RBFOX1: variants seen among roughly 807,000 people sequenced by gnomAD.
RBFOX1 encodes RNA binding fox-1 homolog 1.
RBFOX1 carries 8 observed loss-of-function variants against 57.7 expected under a neutral mutation model. The observed-to-expected ratio is 0.14, with a 90% CI of 0.08 to 0.25. RBFOX1 has a LOEUF of 0.25. Ranked by LOEUF, RBFOX1 falls within the 10% of genes least tolerant of loss-of-function variation. RBFOX1 has a pLI of 1.00. For synonymous variants in RBFOX1, 326 were observed against 222.4 expected (o/e 1.47, Z -4.15); for missense variants, 611 against 548.5 (o/e 1.11, Z -1.14).
At chr16:6,201,222 G>A (rs2097213100) in intron 1 of RBFOX1, among the ~76,000 whole-genome samples, 1 of 152,146 alleles carries the variant, frequency 6.6e-6, no homozygotes, top group Non-Finnish European at 1.5e-5. Context: ...GGACATGAAG[G>A]TGGCTTCCAT....
chr16:5,486,445 G>A (rs1344744848), intron 2 of RBFOX1, among the ~76,000 whole-genome samples: 1 of 152,218 alleles, frequency 6.6e-6, no homozygotes, highest in Non-Finnish European at 1.5e-5. Flanking sequence ...CTCCGTCATT[G>A]TACAGAGTGA....
At chr16:5,677,112 G>A (rs903442077) in intron 3 of RBFOX1, among the ~76,000 whole-genome samples, 3 of 152,178 alleles carry the variant, frequency 2.0e-5, no homozygotes, top group African/African-American at 4.8e-5. Context: ...GGAGGGCAAG[G>A]TCAAACGGAC....
chr16:6,383,942 G>A (rs1281555132), intron 2 of RBFOX1, among the ~76,000 whole-genome samples: 1 of 151,686 alleles, frequency 6.6e-6, no homozygotes, highest in Admixed American at 6.6e-5. Flanking sequence ...GGAATTTTAA[G>A]GGGAAAAAAA....
intron 4 of RBFOX1, among the ~76,000 whole-genome samples, chr16:5,908,304 A>C (rs1240909494): frequency 1.0e-5 from 1 of 99,968 alleles, no homozygotes; most frequent in African/African-American, 3.7e-5. Context: ...ATATATATAC[A>C]CACATATATA....
chr16:6,741,093 A>G (rs1001969852), intron 3 of RBFOX1, among the ~76,000 whole-genome samples: 2 of 152,192 alleles, frequency 1.3e-5, no homozygotes, highest in Admixed American at 6.5e-5. Flanking sequence ...GATTTTTGCC[A>G]GTAATGCAAA....
At chr16:5,924,425 C>G (rs921773278) in intron 4 of RBFOX1, among the ~76,000 whole-genome samples, 3 of 152,156 alleles carry the variant, frequency 2.0e-5, no homozygotes, top group Non-Finnish European at 4.4e-5. Context: ...TTAATGTCCT[C>G]CCTGGCAGGG....
At chr16:5,493,253 G>T (rs116022511) in intron 2 of RBFOX1, among the ~76,000 whole-genome samples, 1 of 152,046 alleles carries the variant, frequency 6.6e-6, no homozygotes, top group South Asian at 2.1e-4. Context: ...CTTACATTTT[G>T]TAGAGATGGG....
At chr16:6,832,831 A>G (rs1377858160) in intron 3 of RBFOX1, among the ~76,000 whole-genome samples, 2 of 152,236 alleles carry the variant, frequency 1.3e-5, no homozygotes, top group Admixed American at 6.5e-5. Flanking sequence ...TATTGATTAA[A>G]TAGTTAAGAA....
intron 4 of RBFOX1, among the ~76,000 whole-genome samples, chr16:7,407,362 G>A (rs1205496300): frequency 4.0e-5 from 5 of 124,060 alleles, no homozygotes; most frequent in Admixed American, 9.2e-5. Context: ...TGACTTCAAG[G>A]GATTTGTATG....
At chr16:6,274,023 A>G (rs941409333) in intron 1 of RBFOX1, among the ~76,000 whole-genome samples, 3 of 152,230 alleles carry the variant, frequency 2.0e-5, no homozygotes, top group African/African-American at 7.2e-5. Context: ...CAGAAGGGCT[A>G]AAACTAAAAC....
intron 1 of RBFOX1, among the ~76,000 whole-genome samples, chr16:6,222,072 A>C (rs1267363593): frequency 1.3e-5 from 2 of 152,242 alleles, no homozygotes; most frequent in African/African-American, 2.4e-5. Context: ...GGAAGGGCAC[A>C]CAGTGAAAGA....
intron 4 of RBFOX1, among the ~76,000 whole-genome samples, chr16:7,394,492 A>C (rs17562905): frequency 0.04 from 6,069 of 152,134 alleles, 183 homozygotes; most frequent in Non-Finnish European, 0.059. Context: ...ACAAGAGTCA[A>C]ACCCCCACAC....
chr16:5,754,276 A>G (rs1382186248), intron 3 of RBFOX1, among the ~76,000 whole-genome samples: 10 of 151,478 alleles, frequency 6.6e-5, no homozygotes, highest in African/African-American at 2.5e-4. Flanking sequence ...GGGAGGATTA[A>G]TTGTGTTAAT....
At chr16:5,594,300 A>C (rs2047109439) in intron 2 of RBFOX1, among the ~76,000 whole-genome samples, 1 of 152,158 alleles carries the variant, frequency 6.6e-6, no homozygotes, top group Non-Finnish European at 1.5e-5. Flanking sequence ...ATAGGTGGGC[A>C]CATAAACGCT....
At chr16:7,210,261 G>A (rs970212827) in intron 4 of RBFOX1, among the ~76,000 whole-genome samples, 1 of 152,154 alleles carries the variant, frequency 6.6e-6, no homozygotes, top group Admixed American at 6.5e-5. Flanking sequence ...AGGATTGCGA[G>A]GCTGACTAAG....
At chr16:7,361,370 C>G (rs745515017) in intron 4 of RBFOX1, among the ~76,000 whole-genome samples, 5 of 152,180 alleles carry the variant, frequency 3.3e-5, no homozygotes, top group Non-Finnish European at 7.3e-5. Flanking sequence ...GATGTTTGCT[C>G]TTGGGGAAGA....
intron 3 of RBFOX1, among the ~76,000 whole-genome samples, chr16:6,976,835 C>G (rs1379053063): frequency 7.3e-6 from 1 of 136,896 alleles, no homozygotes; most frequent in Non-Finnish European, 1.5e-5. Context: ...ATATAATGTA[C>G]CTATCATATG....
intron 4 of RBFOX1, among the ~76,000 whole-genome samples, chr16:7,432,567 T>G (rs908428989): frequency 1.3e-5 from 2 of 152,226 alleles, no homozygotes; most frequent in African/African-American, 4.8e-5. Context: ...TTAAGCTTTG[T>G]GGGCCATCTG....
intron 3 of RBFOX1, among the ~76,000 whole-genome samples, chr16:6,937,820 C>T (rs562258064): frequency 6.6e-6 from 1 of 152,010 alleles, no homozygotes; most frequent in East Asian, 1.9e-4. Flanking sequence ...GCAAATGTTT[C>T]TTTTCAGACT....
Sources: gnomAD v4.1 joint callset for allele counts (sites outside exome capture counted in the v4.1 genomes callset) on GRCh38, gnomAD v4.1.1 for gene constraint, MANE v1.5 for transcripts, NCBI Gene and HGNC (gene_info 2026-07-23, HGNC 2026-07-21) for gene names.